TNFSF4: variants seen among roughly 807,000 people sequenced by gnomAD.
TNFSF4 encodes TNF superfamily member 4.
Under a neutral mutation model 7.3 loss-of-function variants are expected in TNFSF4, and 4 were observed. The ratio of observed to expected loss-of-function variants is 0.55; its 90% CI spans 0.27 to 1.25. The LOEUF (loss-of-function observed/expected upper bound fraction) is 1.25, where lower values mean the gene tolerates loss of function less well. Among genes scored for constraint, TNFSF4 ranks in the 50% most tolerant of loss-of-function variants. The pLI is 0.12. For missense variants in TNFSF4, 181 were observed against 208.8 expected, an observed-to-expected ratio of 0.87 and a Z score of 0.82; for synonymous variants, 76 against 83.7, an observed-to-expected ratio of 0.91 and a Z score of 0.50.
chr1:173,397,368 A>T, the TNFSF4 span, among the ~76,000 whole-genome samples: 1 of 152,146 alleles, frequency 6.6e-6, no homozygotes, highest in Non-Finnish European at 1.5e-5. Flanking sequence ...GGGACCTTTG[A>T]CCTTTTACCA....
the TNFSF4 span, among the ~76,000 whole-genome samples, chr1:173,423,341 C>T: frequency 1.3e-5 from 2 of 152,056 alleles, no homozygotes; most frequent in African/African-American, 4.8e-5. Flanking sequence ...ATTTTATTCC[C>T]CTTCTTTTCC....
the TNFSF4 span, among the ~76,000 whole-genome samples, chr1:173,356,936 G>GT: frequency 6.6e-6 from 1 of 152,104 alleles, no homozygotes; most frequent in African/African-American, 2.4e-5. Flanking sequence ...GCAGAGCAGT[G>GT]TTTCTGTATA....
the TNFSF4 span, among the ~76,000 whole-genome samples, chr1:173,359,510 TAAAAAAAAAAAAAAAAAAAA>T: frequency 0.71 from 87,883 of 124,364 alleles, 28,902 homozygotes; most frequent in Middle Eastern, 0.78. Context: ...TTACCAGCTG[TAAAAAAAAAAAAAAAAAAAA>T]AAAAAAAAAA....
the TNFSF4 span, among the ~76,000 whole-genome samples, chr1:173,276,827 C>T: frequency 6.6e-6 from 1 of 152,170 alleles, no homozygotes; most frequent in African/African-American, 2.4e-5. Flanking sequence ...AAGAACCAGG[C>T]TCTTCAGCCA....
At chr1:173,176,041 A>C in the TNFSF4 span, among the ~76,000 whole-genome samples, 1 of 152,200 alleles carries the variant, frequency 6.6e-6, no homozygotes, top group Non-Finnish European at 1.5e-5. Flanking sequence ...GTAGACTCAA[A>C]ATGAATGCTA....
the TNFSF4 span, among the ~76,000 whole-genome samples, chr1:173,226,120 AT>A: frequency 1.1e-4 from 17 of 152,334 alleles, no homozygotes; most frequent in African/African-American, 4.1e-4. Context: ...TTATATGTAC[AT>A]CATCCTTCAT....
At chr1:173,212,578 CAAAA>C in the TNFSF4 span, among the ~76,000 whole-genome samples, 1 of 73,454 alleles carries the variant, frequency 1.4e-5, no homozygotes. Flanking sequence ...TTAGTGGGTA[CAAAA>C]AAAAAAAAAA....
At chr1:173,181,307 A>T (rs532362774), downstream of TNFSF4, among the ~76,000 whole-genome samples, 1 of 152,284 alleles carries the variant, frequency 6.6e-6, no homozygotes, top group African/African-American at 2.4e-5. Flanking sequence ...TTTAACCTCA[A>T]GCCTCAAATA....
At chr1:173,406,392 AC>A in the TNFSF4 span, among the ~76,000 whole-genome samples, 1 of 152,158 alleles carries the variant, frequency 6.6e-6, no homozygotes, top group Non-Finnish European at 1.5e-5. Context: ...TACTTATTTC[AC>A]AAAAATTATT....
the TNFSF4 span, among the ~76,000 whole-genome samples, chr1:173,337,573 T>C: frequency 9.2e-5 from 14 of 152,302 alleles, no homozygotes; most frequent in South Asian, 4.1e-4. Context: ...GTCTATATAA[T>C]GTTCAGGCAC....
At chr1:173,218,394 A>G in the TNFSF4 span, among the ~76,000 whole-genome samples, 3 of 152,228 alleles carry the variant, frequency 2.0e-5, no homozygotes, top group Non-Finnish European at 4.4e-5. Context: ...AGCACCCAAG[A>G]GCTCAGTACA....
the TNFSF4 span, among the ~76,000 whole-genome samples, chr1:173,262,533 T>A: frequency 6.6e-6 from 1 of 151,456 alleles, no homozygotes; most frequent in Admixed American, 6.6e-5. Context: ...AAAGAGGAAG[T>A]CAAATTGTCT....
chr1:173,185,107 C>G lies in TNFSF4; in HGVS notation c.*1409G>C, dbSNP rs985551838. 2.6e-5 allele frequency: 4 copies of G among 152,198 alleles called. No individual in the cohort carries two copies. The highest frequency in any genetic ancestry group is 5.9e-5 in the Non-Finnish European group (4 of 68,042). 9.4% of individuals were successfully genotyped at this position (152,198 alleles called of 1,614,324 possible). A position where few individuals can be genotyped will look rare whatever the true frequency, so the allele number is the denominator to read the frequency against. On this transcript the variant is annotated 3_prime_UTR_variant, in exon 3 of 3. Coordinates refer to ENST00000281834, the MANE Select transcript of TNFSF4 (RefSeq NM_003326.5). ...TTCTAGAGATAATTGTAGCACAGTACAATTCCTTGATAACACAGAATCATC... is the reference window on the plus strand; with the variant it reads ...TTCTAGAGATAATTGTAGCACAGTAGAATTCCTTGATAACACAGAATCATC...
At chr1:173,356,088 T>C in the TNFSF4 span, among the ~76,000 whole-genome samples, 1 of 152,204 alleles carries the variant, frequency 6.6e-6, no homozygotes, top group Non-Finnish European at 1.5e-5. Context: ...GATAAAATAA[T>C]TTCAGATATT....
chr1:173,439,350 T>C, the TNFSF4 span, among the ~76,000 whole-genome samples: 2 of 152,232 alleles, frequency 1.3e-5, no homozygotes, highest in African/African-American at 2.4e-5. Flanking sequence ...CAATTCCTAA[T>C]GACTCAGCAG....
At chr1:173,187,934 AC>A (rs1191874533) in intron 2 of TNFSF4, among the ~76,000 whole-genome samples, 5 of 152,204 alleles carry the variant, frequency 3.3e-5, no homozygotes, top group African/African-American at 4.8e-5. Context: ...AGAGGGACAT[AC>A]TTTTGAACTG....
At chr1:173,176,621 G>A in the TNFSF4 span, among the ~76,000 whole-genome samples, 4 of 152,152 alleles carry the variant, frequency 2.6e-5, no homozygotes, top group Admixed American at 2.6e-4. Context: ...AACTATTATT[G>A]GGTATATACA....
chr1:173,391,175 TCAGA>T, the TNFSF4 span, among the ~76,000 whole-genome samples: 1 of 152,024 alleles, frequency 6.6e-6, no homozygotes, highest in East Asian at 1.9e-4. Context: ...TTCTCAGCCT[TCAGA>T]CAATCATGCC....
the TNFSF4 span, among the ~76,000 whole-genome samples, chr1:173,380,892 T>G: frequency 6.6e-6 from 1 of 152,292 alleles, no homozygotes; most frequent in African/African-American, 2.4e-5. Context: ...ATATTCTTCT[T>G]ATGTGGAACG....
Sources: gnomAD v4.1 joint callset for allele counts (sites outside exome capture counted in the v4.1 genomes callset) on GRCh38, gnomAD v4.1.1 for gene constraint, MANE v1.5 for transcripts, NCBI Gene and HGNC (gene_info 2026-07-23, HGNC 2026-07-21) for gene names.